Variants in FBXL2 observed in about 807,000 individuals in gnomAD.
The protein encoded by FBXL2 is F-box/LRR-repeat protein 2.
Under a neutral mutation model 69.2 loss-of-function variants are expected in FBXL2, and 38 were observed. The observed-to-expected ratio is 0.55, with a 90% CI of 0.42 to 0.72. The LOEUF (loss-of-function observed/expected upper bound fraction) is 0.72, where lower values mean the gene tolerates loss of function less well. Ranked by LOEUF, FBXL2 falls within the 30% of genes least tolerant of loss-of-function variation. FBXL2 has a pLI of 0.00. For missense variants in FBXL2, 354 were observed against 520.3 expected (o/e 0.68, Z 3.11); for synonymous variants, 192 against 201.3 (o/e 0.95, Z 0.39).
chr3:33,407,004 G>C (rs751642411), downstream of FBXL2, among the ~76,000 whole-genome samples: 2 of 152,168 alleles, frequency 1.3e-5, no homozygotes, highest in Non-Finnish European at 2.9e-5. Flanking sequence ...AAAGCCAATT[G>C]TAACTAGCCA....
intron 2 of FBXL2, among the ~76,000 whole-genome samples, chr3:33,352,673 A>T (rs572901466): frequency 5.3e-5 from 8 of 152,220 alleles, no homozygotes; most frequent in Non-Finnish European, 8.8e-5. Context: ...AGGTGGGCAG[A>T]TCACTTAAGG....
chr3:33,286,735 T>C (rs1412323852), intron 1 of FBXL2, among the ~76,000 whole-genome samples: 2 of 152,206 alleles, frequency 1.3e-5, no homozygotes, highest in African/African-American at 4.8e-5. Flanking sequence ...GCCTCAGCAA[T>C]GGCGGGCCCC....
intron 14 of FBXL2, among the ~76,000 whole-genome samples, chr3:33,385,158 T>TAC (rs2043338628): frequency 6.6e-6 from 1 of 152,224 alleles, no homozygotes; most frequent in South Asian, 2.1e-4. Context: ...ATAGTTCACC[T>TAC]ACACTGTTTT....
chr3:33,378,864 T>C, intron 13 of FBXL2, 123 bp downstream of exon 13: 2 of 1,551,248 alleles, frequency 1.3e-6, no homozygotes, highest in Non-Finnish European at 1.7e-6. Context: ...CAAAAATCTA[T>C]TAATTGGGCT....
chr3:33,339,819 A>T (rs1363162198), intron 2 of FBXL2, among the ~76,000 whole-genome samples: 1 of 152,212 alleles, frequency 6.6e-6, no homozygotes, highest in African/African-American at 2.4e-5. Flanking sequence ...CTACCAAAAG[A>T]TGTGCACAAG....
At chr3:33,294,263 AT>A (rs1229105794) in intron 1 of FBXL2, among the ~76,000 whole-genome samples, 2 of 151,684 alleles carry the variant, frequency 1.3e-5, no homozygotes, top group African/African-American at 2.4e-5. Context: ...TGCCCTGCTG[AT>A]TTTTAAATTT....
chr3:33,350,591 C>A (rs1189061548), intron 2 of FBXL2, among the ~76,000 whole-genome samples: 2 of 152,100 alleles, frequency 1.3e-5, no homozygotes, highest in Non-Finnish European at 2.9e-5. Context: ...CGCCACCATG[C>A]CTGCCTAATT....
At chr3:33,283,286 T>A (rs2034232639) in intron 1 of FBXL2, among the ~76,000 whole-genome samples, 1 of 152,246 alleles carries the variant, frequency 6.6e-6, no homozygotes. Flanking sequence ...AAAGGCCTTT[T>A]CTGCATCTAT....
chr3:33,344,513 T>C (rs902520953), intron 2 of FBXL2, among the ~76,000 whole-genome samples: 1 of 152,156 alleles, frequency 6.6e-6, no homozygotes, highest in Non-Finnish European at 1.5e-5. Context: ...CACACATAGG[T>C]ACTTAGTATA....
downstream of FBXL2, chr3:33,392,397 A>G (rs1184806819): frequency 8.4e-6 from 5 of 598,496 alleles, 1 homozygote; most frequent in Non-Finnish European, 1.4e-5. Flanking sequence ...TCTTCCTTAT[A>G]TGCTAATTTC....
chr3:33,396,714 C>A (rs1317136564), intron 12 of FBXL2: 1 of 523,630 alleles, frequency 1.9e-6, no homozygotes, highest in African/African-American at 1.9e-5. Context: ...ATAGTCATGA[C>A]CTTGAAAACC....
chr3:33,409,684 C>A, the FBXL2 span: 238 of 1,528,702 alleles, frequency 1.6e-4, no homozygotes, highest in Non-Finnish European at 2.0e-4. Flanking sequence ...AGTGACCTGA[C>A]ACCACTATAA....
At chr3:33,392,478 A>T, downstream of FBXL2, 1 of 1,145,888 alleles carries the variant, frequency 8.7e-7, no homozygotes, top group Non-Finnish European at 1.2e-6. Context: ...ATCATTTTAA[A>T]GAATAAACAC....
chr3:33,375,159 T>G, intron 9 of FBXL2, 129 bp from the exon 10 acceptor site: 1 of 1,083,084 alleles, frequency 9.2e-7, no homozygotes, highest in Non-Finnish European at 1.3e-6. Context: ...ACTTATTTTG[T>G]TGAAGTTATT....
At chr3:33,395,750 GAAAAAAAAA>G (rs61654235) in intron 12 of FBXL2, among the ~76,000 whole-genome samples, 1 of 69,796 alleles carries the variant, frequency 1.4e-5, no homozygotes, top group Non-Finnish European at 2.6e-5. Context: ...CAGGAAAATT[GAAAAAAAAA>G]AAAAAAAAAA....
chr3:33,396,485 G>A, intron 12 of FBXL2: 1 of 506,506 alleles, frequency 2.0e-6, no homozygotes, highest in South Asian at 3.1e-5. Context: ...TGATGATCCA[G>A]ACTCTAAACC....
downstream of FBXL2, among the ~76,000 whole-genome samples, chr3:33,406,475 ATAATG>A: frequency 6.6e-6 from 1 of 152,354 alleles, no homozygotes. Flanking sequence ...ACATGTATAA[ATAATG>A]TAAACCATTT....
chr3:33,290,125 A>G (rs2035073569), intron 1 of FBXL2, among the ~76,000 whole-genome samples: 1 of 152,188 alleles, frequency 6.6e-6, no homozygotes, highest in Admixed American at 6.5e-5. Flanking sequence ...ACAGTTAAGA[A>G]ACCTTGCATA....
intron 12 of FBXL2, chr3:33,403,095 T>C: frequency 1.8e-6 from 1 of 543,072 alleles, no homozygotes. Context: ...GCTGTGTGCG[T>C]CTAGACACTG....
Sources: allele counts gnomAD v4.1 joint callset (sites outside exome capture counted in the v4.1 genomes callset), GRCh38; gene constraint gnomAD v4.1.1; transcripts MANE v1.5; gene names NCBI Gene and HGNC (gene_info 2026-07-23, HGNC 2026-07-21).